Variants in AFG1L observed in about 807,000 individuals in gnomAD.
AFG1L encodes AFG1 like ATPase.
Under a neutral mutation model 62.2 loss-of-function variants are expected in AFG1L, and 53 were observed. The ratio of observed to expected loss-of-function variants is 0.85; its 90% confidence interval spans 0.68 to 1.07. The LOEUF is 1.07. AFG1L is among the 50% of genes least tolerant of loss of function. The pLI is 0.00. For synonymous variants in AFG1L, 228 were observed against 210.3 expected, an observed-to-expected ratio of 1.08 and a Z score of -0.73; for missense variants, 555 against 590.5, an observed-to-expected ratio of 0.94 and a Z score of 0.62.
At chr6:108,421,957 A>T (rs984775016) in intron 7 of AFG1L, among the ~76,000 whole-genome samples, 2 of 152,146 alleles carry the variant, frequency 1.3e-5, no homozygotes, top group Admixed American at 1.3e-4. Context: ...TGCTTGCTAT[A>T]TTCCCTTTTG....
At chr6:108,333,325 G>A (rs1778350684) in intron 2 of AFG1L, among the ~76,000 whole-genome samples, 1 of 151,998 alleles carries the variant, frequency 6.6e-6, no homozygotes, top group Non-Finnish European at 1.5e-5. Context: ...CATGAGAATC[G>A]CTTGAACTTG....
At chr6:108,393,978 C>T (rs1781176530) in intron 6 of AFG1L, among the ~76,000 whole-genome samples, 1 of 148,942 alleles carries the variant, frequency 6.7e-6, no homozygotes, top group Non-Finnish European at 1.5e-5. Flanking sequence ...AAAAAGTTTC[C>T]TCTTGCCCTT....
intron 8 of AFG1L, among the ~76,000 whole-genome samples, chr6:108,457,407 G>C (rs932916485): frequency 1.3e-5 from 2 of 151,844 alleles, no homozygotes; most frequent in Non-Finnish European, 1.5e-5. Context: ...TTGCCTTCAA[G>C]TAAGAGTACA....
At chr6:108,309,959 G>A (rs1371615365) in intron 1 of AFG1L, among the ~76,000 whole-genome samples, 1 of 152,130 alleles carries the variant, frequency 6.6e-6, no homozygotes, top group Non-Finnish European at 1.5e-5. Flanking sequence ...GGAACTCCTG[G>A]ATCAGAGATA....
intron 6 of AFG1L, among the ~76,000 whole-genome samples, chr6:108,371,492 C>G (rs1272544511): frequency 6.6e-6 from 1 of 152,028 alleles, no homozygotes; most frequent in Non-Finnish European, 1.5e-5. Context: ...CCAAGTGATC[C>G]TTCTGCCTTA....
intron 7 of AFG1L, among the ~76,000 whole-genome samples, chr6:108,429,550 A>G (rs770948874): frequency 1.8e-4 from 28 of 152,140 alleles, no homozygotes; most frequent in Non-Finnish European, 2.9e-4. Context: ...CAGCCAAACC[A>G]TATCAGTATA....
intron 8 of AFG1L, among the ~76,000 whole-genome samples, chr6:108,466,876 C>T (rs78981994): frequency 0.086 from 12,937 of 151,066 alleles, 1,791 homozygotes; most frequent in African/African-American, 0.29. Context: ...CACCCATCAC[C>T]GGTAAAATGA....
intron 8 of AFG1L, among the ~76,000 whole-genome samples, chr6:108,454,011 T>G (rs1042349319): frequency 2.6e-5 from 4 of 152,204 alleles, no homozygotes; most frequent in Non-Finnish European, 5.9e-5. Context: ...TTTCAATACG[T>G]TGTGCTAGAC....
chr6:108,369,442 C>A (rs930148120), intron 6 of AFG1L, among the ~76,000 whole-genome samples: 4 of 151,920 alleles, frequency 2.6e-5, no homozygotes, highest in Non-Finnish European at 5.9e-5. Context: ...TATCTTTTTG[C>A]CTTATGGTCA....
intron 8 of AFG1L, among the ~76,000 whole-genome samples, chr6:108,451,023 T>C (rs1301094739): frequency 6.6e-6 from 1 of 152,046 alleles, no homozygotes; most frequent in Admixed American, 6.6e-5. Context: ...TATTAAAGCG[T>C]GTGTTTCTGT....
intron 3 of AFG1L, among the ~76,000 whole-genome samples, chr6:108,350,702 C>T (rs144339587): frequency 3.0e-4 from 45 of 152,288 alleles, no homozygotes; most frequent in Admixed American, 1.0e-3. Context: ...CAGCTGACTG[C>T]GGTGGTGATG....
intron 10 of AFG1L, 70 bp from the exon 11 acceptor site, chr6:108,510,142 C>A: frequency 8.2e-7 from 1 of 1,220,102 alleles, no homozygotes; most frequent in South Asian, 1.5e-5. Context: ...GGTGTTTTTA[C>A]ACTAAACCAC....
At chr6:108,382,766 T>C (rs927712956) in intron 6 of AFG1L, among the ~76,000 whole-genome samples, 6 of 152,140 alleles carry the variant, frequency 3.9e-5, no homozygotes, top group African/African-American at 1.2e-4. Flanking sequence ...TGAACTAAAG[T>C]ACAGACAGAT....
At chr6:108,327,202 T>A (rs1778079839) in intron 2 of AFG1L, among the ~76,000 whole-genome samples, 1 of 152,242 alleles carries the variant, frequency 6.6e-6, no homozygotes, top group Admixed American at 6.5e-5. Context: ...CCCATTGTGT[T>A]AACACTATTA....
At chr6:108,407,955 TC>T (rs1219002492) in intron 7 of AFG1L, among the ~76,000 whole-genome samples, 3 of 152,160 alleles carry the variant, frequency 2.0e-5, no homozygotes, top group Non-Finnish European at 1.5e-5. Context: ...TTTGATTTTT[TC>T]CCCCTGGTTG....
At chr6:108,420,321 A>C (rs1770527772) in intron 7 of AFG1L, among the ~76,000 whole-genome samples, 1 of 151,430 alleles carries the variant, frequency 6.6e-6, no homozygotes, top group African/African-American at 2.4e-5. Flanking sequence ...AAAATTATCA[A>C]GTTTTAGTCT....
rs540157811 is a variant in AFG1L at position 108,513,400 on chromosome 6, G to A, written c.1203+3048G>A. On this transcript the variant is annotated intron_variant, in intron 11 of 12. Coordinates refer to ENST00000368977, the MANE Select transcript of AFG1L (RefSeq NM_145315.5). The stretch of plus-strand genomic sequence containing the variant: ...GGTGACAGATGGCACCTGGAAAATC[G>A]GATCACTCCCACCCTAATACTGCGC... Among the ~76,000 whole-genome samples the A allele has an allele frequency of 5.9e-5, 9 of 152,300 alleles. No homozygotes were observed. The South Asian group carries it at 1.0e-3, about 18-fold the overall frequency.
At chr6:108,361,473 G>A (rs1354004209) in intron 5 of AFG1L, among the ~76,000 whole-genome samples, 1 of 152,204 alleles carries the variant, frequency 6.6e-6, no homozygotes, top group Non-Finnish European at 1.5e-5. Flanking sequence ...GCAACTAGCA[G>A]CATGCGTGTA....
chr6:108,442,392 A>G (rs1238813210), intron 7 of AFG1L, among the ~76,000 whole-genome samples: 1 of 152,096 alleles, frequency 6.6e-6, no homozygotes, highest in East Asian at 1.9e-4. Flanking sequence ...GCAAGGAGAG[A>G]GTAGAATGCA....
Sources: allele counts gnomAD v4.1 joint callset (sites outside exome capture counted in the v4.1 genomes callset), GRCh38; gene constraint gnomAD v4.1.1; transcripts MANE v1.5; gene names NCBI Gene and HGNC (gene_info 2026-07-23, HGNC 2026-07-21).